SPMIP3: variants seen among roughly 807,000 people sequenced by gnomAD.
SPMIP3 encodes sperm microtubule inner protein 3, also known as protein SPMIP3.
chr1:244,378,956 T>A, the SPMIP3 span, among the ~76,000 whole-genome samples: 15 of 152,040 alleles, frequency 9.9e-5, no homozygotes, highest in Non-Finnish European at 1.8e-4. Context: ...TGAGACGGAG[T>A]CTCGCTCTGT....
At chr1:244,358,538 T>C in the SPMIP3 span, among the ~76,000 whole-genome samples, 3,197 of 151,040 alleles carry the variant, frequency 0.021, 187 homozygotes, top group East Asian at 0.25. Flanking sequence ...TGAGCTGAGA[T>C]TGCGCCACTG....
chr1:244,384,181 C>T, the SPMIP3 span, among the ~76,000 whole-genome samples: 1 of 152,066 alleles, frequency 6.6e-6, no homozygotes, highest in Non-Finnish European at 1.5e-5. Context: ...TGTGGAGAGT[C>T]AGGAGGAAAT....
At chr1:244,381,788 G>C in the SPMIP3 span, among the ~76,000 whole-genome samples, 1 of 152,190 alleles carries the variant, frequency 6.6e-6, no homozygotes, top group Non-Finnish European at 1.5e-5. Context: ...AAAATTAGCT[G>C]GGTGTGGTGG....
the SPMIP3 span, among the ~76,000 whole-genome samples, chr1:244,364,266 G>A: frequency 3.8e-4 from 58 of 151,960 alleles, no homozygotes; most frequent in African/African-American, 1.3e-3. Context: ...CACCAGGCCC[G>A]GCTACTTTTT....
chr1:244,372,273 TAGTC>T, the SPMIP3 span, among the ~76,000 whole-genome samples: 2 of 152,226 alleles, frequency 1.3e-5, no homozygotes, highest in African/African-American at 4.8e-5. Flanking sequence ...CGCTGCTTCT[TAGTC>T]AGCTTTGTAT....
the SPMIP3 span, among the ~76,000 whole-genome samples, chr1:244,359,695 C>T: frequency 6.6e-6 from 1 of 151,716 alleles, no homozygotes; most frequent in East Asian, 1.9e-4. Flanking sequence ...TGCACTCCAG[C>T]CTGGGCAATG....
the SPMIP3 span, among the ~76,000 whole-genome samples, chr1:244,378,227 G>T: frequency 6.6e-6 from 1 of 152,092 alleles, no homozygotes; most frequent in Admixed American, 6.5e-5. Flanking sequence ...AGTGTGATAC[G>T]CATCACCTCC....
the SPMIP3 span, among the ~76,000 whole-genome samples, chr1:244,357,325 G>T: frequency 0.26 from 39,453 of 152,014 alleles, 6,472 homozygotes; most frequent in East Asian, 0.54. Context: ...GGGAAAAGGA[G>T]TTCAGAAGTG....
the SPMIP3 span, among the ~76,000 whole-genome samples, chr1:244,387,409 C>G: frequency 6.6e-6 from 1 of 151,914 alleles, no homozygotes; most frequent in South Asian, 2.1e-4. Flanking sequence ...TTTAGATAAG[C>G]AAAATTGTTA....
the SPMIP3 span, chr1:244,378,571 A>G: frequency 6.2e-7 from 1 of 1,614,186 alleles, no homozygotes; most frequent in Non-Finnish European, 8.5e-7. Context: ...AGACATTCAA[A>G]GCCTGCCGAG....
chr1:244,372,107 A>C, the SPMIP3 span, among the ~76,000 whole-genome samples: 21 of 152,056 alleles, frequency 1.4e-4, no homozygotes, highest in Admixed American at 3.9e-4. Flanking sequence ...AATTCTGTCC[A>C]TGTCTTGGCC....
At chr1:244,361,908 AC>A in the SPMIP3 span, among the ~76,000 whole-genome samples, 1 of 152,070 alleles carries the variant, frequency 6.6e-6, no homozygotes, top group South Asian at 2.1e-4. Context: ...ACTGAAGTAA[AC>A]TCCAGTCACG....
the SPMIP3 span, among the ~76,000 whole-genome samples, chr1:244,384,621 C>T: frequency 3.7e-4 from 56 of 152,268 alleles, no homozygotes; most frequent in Middle Eastern, 3.4e-3. Flanking sequence ...AAGTGGGGGT[C>T]CCAGGCATCA....
chr1:244,380,075 C>G, the SPMIP3 span, among the ~76,000 whole-genome samples: 1 of 147,746 alleles, frequency 6.8e-6, no homozygotes, highest in South Asian at 2.1e-4. Flanking sequence ...GTCATTGGTG[C>G]TTTGAATTTT....
chr1:244,373,151 C>T, the SPMIP3 span, among the ~76,000 whole-genome samples: 641 of 151,408 alleles, frequency 4.2e-3, 4 homozygotes, highest in African/African-American at 0.015. Flanking sequence ...GAGGTCAAGG[C>T]GGGAGAATCA....
chr1:244,360,679 T>A, the SPMIP3 span, among the ~76,000 whole-genome samples: 44 of 151,428 alleles, frequency 2.9e-4, no homozygotes, highest in East Asian at 6.4e-3. Context: ...AGGTCAGGAG[T>A]TCCAAGACCA....
the SPMIP3 span, among the ~76,000 whole-genome samples, chr1:244,372,507 G>A: frequency 6.7e-6 from 1 of 149,816 alleles, no homozygotes; most frequent in South Asian, 2.1e-4. Flanking sequence ...GCAGTGGCAC[G>A]ATCTCAGCTC....
the SPMIP3 span, among the ~76,000 whole-genome samples, chr1:244,385,684 T>C: frequency 4.6e-5 from 7 of 152,210 alleles, no homozygotes; most frequent in Non-Finnish European, 8.8e-5. Flanking sequence ...GCATTGTGCC[T>C]GTATGTACTA....
chr1:244,354,776 T>C, the SPMIP3 span, among the ~76,000 whole-genome samples: 1 of 152,246 alleles, frequency 6.6e-6, no homozygotes, highest in Non-Finnish European at 1.5e-5. Context: ...GCTTTTCAGA[T>C]GCTTCATATC....
Sources: gnomAD v4.1 joint callset for allele counts (sites outside exome capture counted in the v4.1 genomes callset) on GRCh38, gnomAD v4.1.1 for gene constraint, MANE v1.5 for transcripts, NCBI Gene and HGNC (gene_info 2026-07-23, HGNC 2026-07-21) for gene names.